The following S100Z variants were observed in gnomAD, a reference collection of about 807,000 sequenced individuals.
The protein encoded by S100Z is S100 calcium binding protein Z.
A neutral mutation model predicts 8.5 loss-of-function variants in S100Z; 11 were observed. That is an observed-to-expected ratio of 1.30 (90% CI 0.82 to 2.15). The LOEUF (loss-of-function observed/expected upper bound fraction) is 2.15, where lower values mean the gene tolerates loss of function less well. Among genes scored for constraint, S100Z ranks in the 30% most tolerant of loss-of-function variants. S100Z has a pLI of 0.00. For synonymous variants in S100Z, 34 were observed against 43.8 expected, an observed-to-expected ratio of 0.78 and a Z score of 0.89; for missense variants, 126 against 117.9, an observed-to-expected ratio of 1.07 and a Z score of -0.32.
At chr5:76,947,917 G>A in the S100Z span, among the ~76,000 whole-genome samples, 1 of 152,076 alleles carries the variant, frequency 6.6e-6, no homozygotes. Context: ...ACTCCTAGAA[G>A]AAAACAGGAA....
intron 4 of S100Z, among the ~76,000 whole-genome samples, chr5:76,892,181 T>C (rs1743885503): frequency 6.6e-6 from 1 of 152,136 alleles, no homozygotes; most frequent in Non-Finnish European, 1.5e-5. Flanking sequence ...GTGATGATGA[T>C]GGTAATGGTG....
At chr5:76,949,372 C>G in the S100Z span, among the ~76,000 whole-genome samples, 11,899 of 151,018 alleles carry the variant, frequency 0.079, 760 homozygotes, top group African/African-American at 0.18. Context: ...CTGGGCAACA[C>G]AGCAAGACTC....
At chr5:76,888,498 C>T (rs1743733673) in intron 4 of S100Z, among the ~76,000 whole-genome samples, 1 of 149,832 alleles carries the variant, frequency 6.7e-6, no homozygotes. Context: ...GTCTCAGCCT[C>T]CCAAGTATCT....
chr5:76,951,684 T>C, the S100Z span, among the ~76,000 whole-genome samples: 3 of 152,336 alleles, frequency 2.0e-5, no homozygotes, highest in South Asian at 2.1e-4. Context: ...GGTTTCTTTA[T>C]AACCTTTTCA....
intron 4 of S100Z, among the ~76,000 whole-genome samples, chr5:76,879,800 C>T (rs1213142748): frequency 2.0e-5 from 3 of 152,044 alleles, no homozygotes; most frequent in Non-Finnish European, 4.4e-5. Flanking sequence ...TCTCAGAAGC[C>T]TAGAGAAGAC....
chr5:76,923,356 C>T (rs1320021), downstream of S100Z, among the ~76,000 whole-genome samples: 122,408 of 152,180 alleles, frequency 0.8, 54,116 homozygotes, highest in Non-Finnish European at 0.98. Flanking sequence ...TCACCTATAT[C>T]TCCATCAGTG....
chr5:76,867,333 T>A (rs1742794349), intron 1 of S100Z, among the ~76,000 whole-genome samples: 2 of 151,868 alleles, frequency 1.3e-5, no homozygotes, highest in South Asian at 4.2e-4. Context: ...AACTGGAGAG[T>A]TTAGGAGGAA....
At chr5:76,897,063 GT>G (rs1744062438) in intron 4 of S100Z, among the ~76,000 whole-genome samples, 1 of 152,074 alleles carries the variant, frequency 6.6e-6, no homozygotes, top group Non-Finnish European at 1.5e-5. Context: ...TATAGCTCTG[GT>G]GTATAATTTG....
chr5:76,928,150 G>T, the S100Z span, among the ~76,000 whole-genome samples: 1 of 152,116 alleles, frequency 6.6e-6, no homozygotes, highest in African/African-American at 2.4e-5. Flanking sequence ...TGAAACAAAG[G>T]GTCTAGTTCA....
At chr5:76,909,596 T>A (rs766120618) in intron 4 of S100Z, among the ~76,000 whole-genome samples, 5 of 152,138 alleles carry the variant, frequency 3.3e-5, no homozygotes, top group Non-Finnish European at 5.9e-5. Context: ...CTATTAATGA[T>A]AAGCCTCCTC....
intron 2 of S100Z, among the ~76,000 whole-genome samples, chr5:76,874,051 A>G (rs1235298773): frequency 6.6e-6 from 1 of 152,128 alleles, no homozygotes; most frequent in Non-Finnish European, 1.5e-5. Flanking sequence ...CTTACCCCTG[A>G]CAGCTCCCAA....
At chr5:76,944,644 C>T in the S100Z span, among the ~76,000 whole-genome samples, 1 of 152,178 alleles carries the variant, frequency 6.6e-6, no homozygotes, top group Non-Finnish European at 1.5e-5. Context: ...GGCTAGCTTG[C>T]AGTTTTCTCT....
intron 4 of S100Z, among the ~76,000 whole-genome samples, chr5:76,906,789 C>G (rs574280915): frequency 1.3e-5 from 2 of 151,376 alleles, no homozygotes; most frequent in African/African-American, 2.4e-5. Flanking sequence ...CCTGCCACCA[C>G]GCTCAGCTAA....
the S100Z span, among the ~76,000 whole-genome samples, chr5:76,937,009 A>T: frequency 6.6e-6 from 1 of 152,194 alleles, no homozygotes; most frequent in African/African-American, 2.4e-5. Flanking sequence ...TGGAAGTCTG[A>T]TCGTCATACG....
chr5:76,890,579 GT>G (rs771572081), intron 4 of S100Z, among the ~76,000 whole-genome samples: 2 of 152,152 alleles, frequency 1.3e-5, no homozygotes, highest in Non-Finnish European at 2.9e-5. Context: ...GAGCCCAGGG[GT>G]TTGAGGCTGC....
intron 1 of S100Z, among the ~76,000 whole-genome samples, chr5:76,854,104 T>C (rs1750809780): frequency 6.6e-6 from 1 of 152,222 alleles, no homozygotes; most frequent in South Asian, 2.1e-4. Flanking sequence ...TGTGGAACTG[T>C]GAGCCCATTA....
chr5:76,887,100 C>CTTT (rs775761857), intron 4 of S100Z, among the ~76,000 whole-genome samples: 1 of 140,274 alleles, frequency 7.1e-6, no homozygotes. Context: ...CTTTTCTTTT[C>CTTT]TTTTTTTTTT....
chr5:76,883,340 T>C (rs925253570), intron 4 of S100Z, among the ~76,000 whole-genome samples: 2 of 152,130 alleles, frequency 1.3e-5, no homozygotes, highest in African/African-American at 4.8e-5. Flanking sequence ...AAGCAGATAA[T>C]TTAGTTAAAA....
At chr5:76,895,420 CA>C (rs1169815334) in intron 4 of S100Z, among the ~76,000 whole-genome samples, 9 of 151,900 alleles carry the variant, frequency 5.9e-5, no homozygotes, top group African/African-American at 1.9e-4. Context: ...ATTTGGTCAT[CA>C]AATATTATCT....
Sources: allele counts gnomAD v4.1 joint callset (sites outside exome capture counted in the v4.1 genomes callset), GRCh38; gene constraint gnomAD v4.1.1; transcripts MANE v1.5; gene names NCBI Gene and HGNC (gene_info 2026-07-23, HGNC 2026-07-21).